The following PKNOX2 variants were observed in gnomAD, a reference collection of about 807,000 sequenced individuals.
PKNOX2 encodes the protein PBX/knotted 1 homeobox 2, also known as homeobox protein PKNOX2.
A neutral mutation model predicts 53.1 loss-of-function variants in PKNOX2; 14 were observed. The observed-to-expected ratio is 0.26, with a 90% CI of 0.17 to 0.41. The LOEUF is 0.41. Among genes scored for constraint, PKNOX2 ranks in the 10% least tolerant of loss-of-function variants. The pLI, the probability that PKNOX2 is intolerant of heterozygous loss-of-function variation, is 1.00. For synonymous variants in PKNOX2, 257 were observed against 242.8 expected, an observed-to-expected ratio of 1.06 and a Z score of -0.54; for missense variants, 496 against 602.8, an observed-to-expected ratio of 0.82 and a Z score of 1.85.
intron 2 of PKNOX2, among the ~76,000 whole-genome samples, chr11:125,294,715 G>T (rs1947536877): frequency 6.6e-6 from 1 of 152,242 alleles, no homozygotes; most frequent in Admixed American, 6.5e-5. Context: ...ATGACTTCCA[G>T]TAGTCAGGCT....
chr11:125,348,115 G>A (rs556257667), intron 3 of PKNOX2, among the ~76,000 whole-genome samples: 55 of 152,266 alleles, frequency 3.6e-4, no homozygotes, highest in Non-Finnish European at 5.6e-4. Context: ...CAGGACCCCC[G>A]CTGTGGCTCA....
rs11220024 is a variant in PKNOX2 at position 125,326,418 on chromosome 11, G to A, written c.-129-5401G>A. 7.2e-5 allele frequency among the ~76,000 whole-genome samples: 11 copies of A among 152,314 alleles called. No individual in the cohort carries two copies. In the East Asian group the frequency reaches 2.1e-3, roughly 29 times the overall value. ...CTGGCTGGAGAAAAGGTTCAGATTT[G>A]AAAGTAGTGGGGGATTAGGTAAGAT... On this transcript the variant is annotated intron_variant, in intron 2 of 12. Coordinates refer to ENST00000298282, the MANE Select transcript of PKNOX2 (RefSeq NM_001382323.2).
chr11:125,180,031 C>T (rs906505122), intron 1 of PKNOX2, among the ~76,000 whole-genome samples: 3 of 152,182 alleles, frequency 2.0e-5, no homozygotes, highest in Non-Finnish European at 4.4e-5. Context: ...TACACGCACA[C>T]GGGCCTTCTA....
chr11:125,197,783 G>T (rs1379411359), intron 1 of PKNOX2, among the ~76,000 whole-genome samples: 1 of 152,204 alleles, frequency 6.6e-6, no homozygotes, highest in East Asian at 1.9e-4. Flanking sequence ...CCGGTGCAGA[G>T]CTGGTGGGAC....
intron 10 of PKNOX2, among the ~76,000 whole-genome samples, chr11:125,424,605 C>T (rs1436796108): frequency 6.6e-6 from 1 of 152,094 alleles, no homozygotes; most frequent in Non-Finnish European, 1.5e-5. Flanking sequence ...TGGCAGGAAA[C>T]CTAATGGAAG....
chr11:125,265,384 A>G (rs1170617662), intron 2 of PKNOX2, among the ~76,000 whole-genome samples: 1 of 152,132 alleles, frequency 6.6e-6, no homozygotes, highest in Non-Finnish European at 1.5e-5. Flanking sequence ...TTCCGATTCA[A>G]TGAACAAACC....
chr11:125,285,240 C>G (rs901856307), intron 2 of PKNOX2, among the ~76,000 whole-genome samples: 1 of 152,138 alleles, frequency 6.6e-6, no homozygotes, highest in Non-Finnish European at 1.5e-5. Context: ...GGTGCTCCTA[C>G]ACACAGTCTG....
At chr11:125,286,679 A>G (rs1408309521) in intron 2 of PKNOX2, among the ~76,000 whole-genome samples, 1 of 152,194 alleles carries the variant, frequency 6.6e-6, no homozygotes, top group East Asian at 1.9e-4. Flanking sequence ...TGGGCGGAGC[A>G]ATGGCCAAAG....
At chr11:125,365,612 G>A (rs541299047) in intron 4 of PKNOX2, among the ~76,000 whole-genome samples, 6 of 152,220 alleles carry the variant, frequency 3.9e-5, no homozygotes, top group South Asian at 2.1e-4. Flanking sequence ...TTTTTTAGAC[G>A]TTCTCTAAAT....
At chr11:125,174,532 A>G (rs1955560305) in intron 1 of PKNOX2, among the ~76,000 whole-genome samples, 1 of 152,170 alleles carries the variant, frequency 6.6e-6, no homozygotes, top group African/African-American at 2.4e-5. Context: ...TGGGCTGTAC[A>G]TGCGAGGTCC....
chr11:125,185,781 A>T (rs1470294852), intron 1 of PKNOX2, among the ~76,000 whole-genome samples: 1 of 152,124 alleles, frequency 6.6e-6, no homozygotes, highest in African/African-American at 2.4e-5. Context: ...GGTTGTTTCC[A>T]CTTTCTGGCT....
intron 1 of PKNOX2, among the ~76,000 whole-genome samples, chr11:125,175,266 G>A (rs61911028): frequency 3.5e-5 from 5 of 142,746 alleles, no homozygotes; most frequent in African/African-American, 1.0e-4. Flanking sequence ...GAAGGAAGGA[G>A]GGAGAGCTTC....
chr11:125,427,574 A>G (rs1290976385), intron 10 of PKNOX2, among the ~76,000 whole-genome samples: 1 of 152,138 alleles, frequency 6.6e-6, no homozygotes, highest in African/African-American at 2.4e-5. Flanking sequence ...GTATAATTTC[A>G]TTTATTTGTC....
At chr11:125,406,197 C>T (rs1001075670) in intron 7 of PKNOX2, among the ~76,000 whole-genome samples, 1 of 152,188 alleles carries the variant, frequency 6.6e-6, no homozygotes, top group South Asian at 2.1e-4. Flanking sequence ...CACGGGGTTT[C>T]CACCGCTGCT....
chr11:125,206,427 T>C (rs569643141), intron 1 of PKNOX2, among the ~76,000 whole-genome samples: 6 of 152,134 alleles, frequency 3.9e-5, no homozygotes, highest in African/African-American at 1.4e-4. Context: ...GTGCAAAAAG[T>C]AAGCAGGTCA....
intron 1 of PKNOX2, among the ~76,000 whole-genome samples, chr11:125,206,895 A>G (rs1342456749): frequency 6.6e-6 from 1 of 152,010 alleles, no homozygotes; most frequent in Non-Finnish European, 1.5e-5. Context: ...GGGCAAGACC[A>G]GGAAACCAGT....
chr11:125,295,360 G>A (rs1050078361), intron 2 of PKNOX2, among the ~76,000 whole-genome samples: 4 of 152,314 alleles, frequency 2.6e-5, no homozygotes, highest in African/African-American at 7.2e-5. Context: ...TCAGCTCTAG[G>A]GATATATAGA....
chr11:125,199,008 T>C (rs866835531), intron 1 of PKNOX2, among the ~76,000 whole-genome samples: 1 of 152,112 alleles, frequency 6.6e-6, no homozygotes, highest in Non-Finnish European at 1.5e-5. Context: ...GCCTGGCTAA[T>C]TTTTGCATTT....
intron 2 of PKNOX2, among the ~76,000 whole-genome samples, chr11:125,254,949 C>T (rs77094352): frequency 0.014 from 2,172 of 152,270 alleles, 20 homozygotes; most frequent in Non-Finnish European, 0.022. Flanking sequence ...AATCACTTTA[C>T]GCACTTCTTA....
Sources: gnomAD v4.1 joint callset for allele counts (sites outside exome capture counted in the v4.1 genomes callset) on GRCh38, gnomAD v4.1.1 for gene constraint, MANE v1.5 for transcripts, NCBI Gene and HGNC (gene_info 2026-07-23, HGNC 2026-07-21) for gene names.